Variants in EVC observed in about 807,000 individuals in gnomAD.
EVC encodes evC complex member EVC.
EVC carries 116 observed loss-of-function variants against 118.9 expected under a neutral mutation model. The ratio of observed to expected loss-of-function variants is 0.98; its 90% CI spans 0.84 to 1.14. The LOEUF (loss-of-function observed/expected upper bound fraction) is 1.14. Ranked by LOEUF, EVC falls within the 50% of genes most tolerant of loss-of-function variation. The pLI is 0.00. For synonymous variants in EVC, 619 were observed against 534.7 expected (o/e 1.16, Z -2.18); for missense variants, 1,401 against 1,246.4 (o/e 1.12, Z -1.87).
At chr4:5,735,217 G>T (rs1008483136) in intron 5 of EVC, among the ~76,000 whole-genome samples, 5 of 152,216 alleles carry the variant, frequency 3.3e-5, no homozygotes, top group African/African-American at 7.2e-5. Context: ...CATGGCAAAG[G>T]CCTGTGACAA....
At chr4:5,821,022 T>C in the EVC span, 2 of 152,172 alleles carry the variant, frequency 1.3e-5, no homozygotes, top group Non-Finnish European at 2.9e-5. The surrounding 1 kb of genome is among the most constrained non-coding windows in gnomAD (Gnocchi z 4.4). Context: ...TCTTTCTGAG[T>C]GTGAACCTGG....
At chr4:5,760,307 G>C (rs1406055723) in intron 11 of EVC, among the ~76,000 whole-genome samples, 5 of 152,078 alleles carry the variant, frequency 3.3e-5, no homozygotes, top group Admixed American at 2.6e-4. Context: ...GACATCCTTA[G>C]GAAGTTATGC....
At chr4:5,791,887 C>G (rs1041991106) in intron 12 of EVC, among the ~76,000 whole-genome samples, 2 of 152,144 alleles carry the variant, frequency 1.3e-5, no homozygotes, top group Non-Finnish European at 2.9e-5. Context: ...TTCATTAAGC[C>G]CTCCCCAGCC....
the EVC span, among the ~76,000 whole-genome samples, chr4:5,827,234 G>C: frequency 7.2e-5 from 11 of 152,226 alleles, no homozygotes; most frequent in Non-Finnish European, 1.3e-4. Context: ...AGGAAATGAA[G>C]CCAGCCAAGG....
At position 5,756,520 on chromosome 4, in the gene EVC, C is replaced by T. The variant is rs1731202634; in HGVS notation, c.1563+158C>T. On this transcript the variant is annotated intron_variant, in intron 11 of 20. Coordinates refer to ENST00000264956, the MANE Select transcript of EVC (RefSeq NM_153717.3). The surrounding 1 kb of genome is among the most constrained non-coding windows in gnomAD (Gnocchi z 4.2). ...CAGGCTGTGTCCCCTCCATGCGATCCTCCTTGCCCACATCAGAAACCGAGG... is the reference window on the plus strand; with the variant it reads ...CAGGCTGTGTCCCCTCCATGCGATCTTCCTTGCCCACATCAGAAACCGAGG... Among the ~76,000 whole-genome samples, 1 of 152,216 alleles carries T rather than the reference C, an allele frequency of 6.6e-6. No homozygotes were observed. Among genetic ancestry groups the T allele is most frequent in the Non-Finnish European group, 1.5e-5 (1 of 68,034 alleles).
chr4:5,766,227 T>C (rs1427054418), intron 11 of EVC, among the ~76,000 whole-genome samples: 1 of 151,900 alleles, frequency 6.6e-6, no homozygotes, highest in East Asian at 1.9e-4. Flanking sequence ...TGTTGGATAT[T>C]GGCCCCCACT....
the EVC span, among the ~76,000 whole-genome samples, chr4:5,827,714 CAT>C: frequency 0.014 from 2,106 of 148,552 alleles, 26 homozygotes; most frequent in South Asian, 0.041. Flanking sequence ...CACGCATAGA[CAT>C]ACACACATGT....
At chr4:5,729,488 C>T (rs1726436873) in intron 3 of EVC, 98 bp downstream of exon 3, 4 of 1,215,464 alleles carry the variant, frequency 3.3e-6, no homozygotes, top group Non-Finnish European at 3.7e-6. Context: ...ATGTTTGGTC[C>T]TGTTTGAGGG....
chr4:5,748,050 T>C (rs1729633238), intron 7 of EVC, 98 bp from the exon 8 acceptor site: 1 of 1,297,810 alleles, frequency 7.7e-7, no homozygotes, highest in South Asian at 1.2e-5. Flanking sequence ...AATCTTTGTT[T>C]GTGATAGGGA....
At position 5,731,278 on chromosome 4, in the gene EVC, C is replaced by T; in HGVS notation, c.385-147C>T. The T allele has an allele frequency of 1.3e-6, 1 of 764,736 alleles. No homozygotes were observed. Among genetic ancestry groups the T allele is most frequent in the Admixed American group, 1.8e-5 (1 of 54,218 alleles). The allele number at this position is 764,736 out of a possible 1,614,324, so 47.4% of individuals were successfully genotyped here. The stretch of plus-strand genomic sequence containing the variant: ...TGTGGCAGAACCTGGGACGGAAACT[C>T]TGTGGTGTCTGCTGGCACCCTGGCC... On this transcript the variant is annotated intron_variant, in intron 3 of 20. Coordinates refer to ENST00000264956, the MANE Select transcript of EVC (RefSeq NM_153717.3). This position sits in a 1 kb window ranked among gnomAD's most constrained non-coding sequence, Gnocchi z 5.6.
chr4:5,818,659 A>G (rs528337864), downstream of EVC, among the ~76,000 whole-genome samples: 17 of 152,278 alleles, frequency 1.1e-4, no homozygotes, highest in South Asian at 2.5e-3. Context: ...ACCTGAGCCA[A>G]TACACTCAGC....
Position 5,749,425 on chromosome 4 carries a change from G to A in EVC, c.1098+1119G>A, listed in dbSNP as rs1024043880. 6.6e-6 allele frequency among the ~76,000 whole-genome samples: 1 copy of A among 151,540 alleles called. No individual in the cohort carries two copies. Among genetic ancestry groups the A allele is most frequent in the Non-Finnish European group, 1.5e-5 (1 of 68,000 alleles). On this transcript the variant is annotated intron_variant, in intron 8 of 20. Coordinates refer to ENST00000264956, the MANE Select transcript of EVC (RefSeq NM_153717.3). This position sits in a 1 kb window ranked among gnomAD's most constrained non-coding sequence, Gnocchi z 4.4. ...AAGCAAAAAAGTCCTCACATTCAAA[G>A]GGTTGGACACCCGTGGGAGAGAAAT...
chr4:5,814,760 C>T (rs1240907998), downstream of EVC, among the ~76,000 whole-genome samples: 4 of 151,968 alleles, frequency 2.6e-5, no homozygotes, highest in East Asian at 5.8e-4. Flanking sequence ...TGGAAGACCC[C>T]TGCCCCCCTC....
At chr4:5,759,027 T>C (rs1560353694) in intron 11 of EVC, among the ~76,000 whole-genome samples, 1 of 151,260 alleles carries the variant, frequency 6.6e-6, no homozygotes, top group Admixed American at 6.6e-5. Context: ...TGATTATTCA[T>C]AAGGGCGTGG....
chr4:5,782,314 A>G (rs940204184), intron 11 of EVC, among the ~76,000 whole-genome samples: 2 of 150,626 alleles, frequency 1.3e-5, no homozygotes, highest in Non-Finnish European at 2.9e-5. Context: ...ACCTCAGGTG[A>G]TCTACCCACC....
intron 11 of EVC, among the ~76,000 whole-genome samples, chr4:5,769,980 C>A (rs762429867): frequency 6.6e-6 from 1 of 152,070 alleles, no homozygotes; most frequent in African/African-American, 2.4e-5. Context: ...CCAGCACTCC[C>A]TGACAGCTGC....
At chr4:5,780,155 C>T (rs191355376) in intron 11 of EVC, among the ~76,000 whole-genome samples, 1,676 of 152,138 alleles carry the variant, frequency 0.011, 18 homozygotes, top group African/African-American at 0.031. Context: ...TATTGATTTG[C>T]GTATATTGAA....
At chr4:5,796,358 A>C (rs1042257529) in intron 13 of EVC, among the ~76,000 whole-genome samples, 1 of 152,170 alleles carries the variant, frequency 6.6e-6, no homozygotes, top group Non-Finnish European at 1.5e-5. Context: ...ACCACTAAGC[A>C]TGAGAAATTG....
intron 15 of EVC, among the ~76,000 whole-genome samples, chr4:5,800,113 G>C (rs1255814431): frequency 1.3e-5 from 2 of 152,240 alleles, no homozygotes; most frequent in Non-Finnish European, 2.9e-5. Flanking sequence ...GGGAGGCCAA[G>C]GCGGGTGGAT....
Sources: allele counts gnomAD v4.1 joint callset (sites outside exome capture counted in the v4.1 genomes callset), GRCh38; gene constraint gnomAD v4.1.1; non-coding constraint Gnocchi (gnomAD v3.1); transcripts MANE v1.5; gene names NCBI Gene and HGNC (gene_info 2026-07-23, HGNC 2026-07-21).